The following MED12L variants were observed in gnomAD, a reference collection of about 807,000 sequenced individuals.
MED12L encodes mediator complex subunit 12L.
In MED12L, 60 loss-of-function variants were observed where a neutral mutation model predicts 281.3. The ratio of observed to expected loss-of-function variants is 0.21; its 90% CI spans 0.17 to 0.26. The LOEUF (loss-of-function observed/expected upper bound fraction) is 0.26, where lower values mean the gene tolerates loss of function less well. Ranked by LOEUF, MED12L falls within the 10% of genes least tolerant of loss-of-function variation. MED12L has a pLI of 1.00. For missense variants in MED12L, 2,146 were observed against 2,680.9 expected (o/e 0.80, Z 4.41); for synonymous variants, 974 against 987.2 (o/e 0.99, Z 0.25).
intron 16 of MED12L, among the ~76,000 whole-genome samples, chr3:151,266,269 T>G (rs1393501793): frequency 6.6e-6 from 1 of 152,200 alleles, no homozygotes; most frequent in Non-Finnish European, 1.5e-5. Context: ...CATCTTCTAT[T>G]AAAATGAGAA....
At chr3:151,301,040 C>T (rs527593500) in intron 16 of MED12L, among the ~76,000 whole-genome samples, 3 of 152,300 alleles carry the variant, frequency 2.0e-5, no homozygotes, top group East Asian at 3.9e-4. Context: ...TCTATCCATA[C>T]GTCACCTTGA....
At chr3:151,337,658 CT>C in intron 16 of MED12L, 4 of 702,246 alleles carry the variant, frequency 5.7e-6, no homozygotes, top group Non-Finnish European at 9.3e-6. Flanking sequence ...GCTTTTCATA[CT>C]GGAAAGGTAA....
At position 151,376,888 on chromosome 3, in the gene MED12L, G is replaced by A; in HGVS notation, c.4128+14G>A. On this transcript the variant is annotated intron_variant, in intron 29 of 44. Transcript: ENST00000687756. Reference sequence around the variant, plus strand: ...TTGAAGGACCCTGTGAGTTTATATTGAAAGCTTATCTCTGTATGAAATTTT... The same window carrying A: ...TTGAAGGACCCTGTGAGTTTATATTAAAAGCTTATCTCTGTATGAAATTTT... 1.2e-6 allele frequency: 2 copies of A among 1,613,554 alleles called. No individual in the cohort carries two copies. Among genetic ancestry groups the A allele is most frequent in the Non-Finnish European group, 1.7e-6 (2 of 1,179,612 alleles).
intron 16 of MED12L, chr3:151,337,289 A>G (rs1751133228): frequency 6.5e-6 from 1 of 152,814 alleles, no homozygotes; most frequent in Admixed American, 6.5e-5. Context: ...GGTTTTTGCT[A>G]ATAATGAAAA....
intron 5 of MED12L, among the ~76,000 whole-genome samples, chr3:151,141,306 G>A (rs900116593): frequency 1.3e-5 from 2 of 151,666 alleles, no homozygotes; most frequent in Admixed American, 1.3e-4. Context: ...ACAGGCATGA[G>A]CCACTGGGCC....
chr3:151,380,474 A>G (rs1712070863), intron 32 of MED12L, among the ~76,000 whole-genome samples: 3 of 151,944 alleles, frequency 2.0e-5, no homozygotes, highest in Admixed American at 1.3e-4. Flanking sequence ...GTGTGCGCCT[A>G]TGATCCCAGC....
chr3:151,087,043 C>T lies in MED12L; in HGVS notation c.99+18C>T, dbSNP rs562669278. 2.5e-6 allele frequency: 4 copies of T among 1,589,848 alleles called. No individual in the cohort carries two copies. The African/African-American group carries it at 5.4e-5, about 21-fold the overall frequency. ...AGAAGGAGGTAAGGGCGCCGGCGGCCTCCCCGGCAACCGGGGCCGCGCTCT... is the reference window on the plus strand; with the variant it reads ...AGAAGGAGGTAAGGGCGCCGGCGGCTTCCCCGGCAACCGGGGCCGCGCTCT... On this transcript the variant is annotated intron_variant, in intron 2 of 44. Coordinates refer to ENST00000687756, the MANE Select transcript of MED12L (RefSeq NM_001393769.1).
rs544437205 is a variant in MED12L at position 151,221,813 on chromosome 3, A to T, written c.2250+28147A>T. ...AGGGAAATGTGGGATTGGAGCCCCC[A>T]CACAGAGTGCCTACTGGGGCACCAT... On this transcript the variant is annotated intron_variant, in intron 16 of 44. Transcript: ENST00000687756. 2.6e-5 allele frequency among the ~76,000 whole-genome samples: 4 copies of T among 152,328 alleles called. No individual in the cohort carries two copies. In the East Asian group the frequency reaches 7.7e-4, roughly 29 times the overall value.
At chr3:151,100,929 A>G (rs1393303855) in intron 2 of MED12L, among the ~76,000 whole-genome samples, 1 of 152,222 alleles carries the variant, frequency 6.6e-6, no homozygotes, top group African/African-American at 2.4e-5. Context: ...TGCTTCTCAA[A>G]ATAACTGTGG....
At chr3:151,315,706 A>G (rs1748135968) in intron 16 of MED12L, among the ~76,000 whole-genome samples, 1 of 152,130 alleles carries the variant, frequency 6.6e-6, no homozygotes, top group African/African-American at 2.4e-5. Context: ...TTTTCCCCCC[A>G]GTATAAAGTA....
chr3:151,431,861 G>T (rs1403727742), intron 44 of MED12L, among the ~76,000 whole-genome samples: 1 of 152,184 alleles, frequency 6.6e-6, no homozygotes, highest in African/African-American at 2.4e-5. Flanking sequence ...GTGAGATTAT[G>T]TATTATTACT....
At chr3:151,160,140 A>G (rs774910625) in intron 8 of MED12L, 39 bp downstream of exon 8, 7 of 1,472,270 alleles carry the variant, frequency 4.8e-6, no homozygotes, top group African/African-American at 2.8e-5. Flanking sequence ...TTAAAATTCA[A>G]TGTGGGAAGT....
In MED12L at chr3:151,376,069, G is replaced by A. The variant is rs760191436; in HGVS notation, c.3908G>A (p.Cys1303Tyr). 7 of 1,605,972 alleles carry A rather than the reference G, an allele frequency of 4.4e-6. No homozygotes were observed. Among genetic ancestry groups the A allele is most frequent in the Non-Finnish European group, 5.9e-6 (7 of 1,177,294 alleles). ...TGCTTAAAAGAACCTGAAAGATTAT[G>A]TACAGACAAAGAACTTATATTGGAC... ...EHCLKEPERL[C>Y]TDKELILDPV... is the part of the protein sequence containing the mutation. Residue 1303 changes from cysteine to tyrosine, a missense_variant, in exon 28 of 45, where the codon TGT (cysteine) becomes TAT (tyrosine). Physicochemically the swap from Cys to Tyr is radical, Grantham distance 194. Around this residue, in one of 9 missense-constraint regions of MED12L, gnomAD observed 235 missense variants for 260.3 expected, o/e 0.90. Coordinates refer to ENST00000687756, the MANE Select transcript of MED12L (RefSeq NM_001393769.1).
rs149066305 is a variant in MED12L at position 151,323,828 on chromosome 3, A to G, written c.2251-26231A>G. 3.3e-5 allele frequency among the ~76,000 whole-genome samples: 5 copies of G among 152,346 alleles called. No individual in the cohort carries two copies. The East Asian group carries it at 9.6e-4, about 29-fold the overall frequency. ...GGCTAAATGAACAAATGAATCCACT[A>G]TTGGGGAGTTTACTCCCCCTGAGCT... On this transcript the variant is annotated intron_variant, in intron 16 of 44. Coordinates refer to ENST00000687756, the MANE Select transcript of MED12L (RefSeq NM_001393769.1).
At position 151,350,183 on chromosome 3, in the gene MED12L, A is replaced by G; in HGVS notation, c.2375A>G (p.Lys792Arg). ...AAAGATATCCTGAAAATTCTAAATAAGAAGAGCACCACAGAGACAGGGGGT... is the reference window on the plus strand; with the variant it reads ...AAAGATATCCTGAAAATTCTAAATAGGAAGAGCACCACAGAGACAGGGGGT... ...ITKDILKILN[K>R]KSTTETGVGD... The change falls in exon 17 of 45, where the codon AAG (lysine) becomes AGG (arginine). Residue 792 changes from lysine to arginine, a missense_variant. Lys to Arg is a conservative substitution (Grantham distance 26). Transcript: ENST00000687756. 6.2e-7 allele frequency: 1 copy of G among 1,613,914 alleles called. No homozygotes were observed. The highest frequency in any genetic ancestry group is 8.5e-7 in the Non-Finnish European group (1 of 1,179,866).
chr3:151,213,403 A>G (rs1306213470), intron 16 of MED12L: 1 of 1,614,060 alleles, frequency 6.2e-7, no homozygotes, highest in South Asian at 1.1e-5. Flanking sequence ...CTTACATAAG[A>G]TTTCCCTAAA....
chr3:151,271,030 AT>A (rs1285243112), intron 16 of MED12L, among the ~76,000 whole-genome samples: 1 of 150,554 alleles, frequency 6.6e-6, no homozygotes, highest in African/African-American at 2.4e-5. Context: ...AAAAAAAAAA[AT>A]CCCCAAATTT....
chr3:151,383,976 AT>A, intron 34 of MED12L, 88 bp downstream of exon 34: 1 of 1,480,154 alleles, frequency 6.8e-7, no homozygotes, highest in East Asian at 2.4e-5. Flanking sequence ...GCCACATCTT[AT>A]TTACTTGGAT....
At chr3:151,306,414 A>G (rs760456945) in intron 16 of MED12L, among the ~76,000 whole-genome samples, 16 of 152,192 alleles carry the variant, frequency 1.1e-4, no homozygotes, top group Non-Finnish European at 2.1e-4. Context: ...TGATTGTGTT[A>G]TAAAACTGCT....
Sources: gnomAD v4.1 joint callset for allele counts (sites outside exome capture counted in the v4.1 genomes callset) on GRCh38, gnomAD v4.1.1 for gene constraint, gnomAD v4.1.1 regional missense constraint, MANE v1.5 for transcripts, NCBI Gene and HGNC (gene_info 2026-07-23, HGNC 2026-07-21) for gene names.